UPB1: variants seen among roughly 807,000 people sequenced by gnomAD.
UPB1 encodes beta-ureidopropionase 1.
A neutral mutation model predicts 49.1 loss-of-function variants in UPB1; 40 were observed. The observed-to-expected ratio is 0.81, with a 90% CI of 0.63 to 1.06. The LOEUF (loss-of-function observed/expected upper bound fraction) is 1.06. Among genes scored for constraint, UPB1 ranks in the 50% least tolerant of loss-of-function variants. The probability of loss-of-function intolerance (pLI) is 0.00; values close to 1 mark genes in which losing one functional copy is unlikely to be tolerated. For synonymous variants in UPB1, 207 were observed against 198.2 expected (o/e 1.04, Z -0.38); for missense variants, 499 against 505.9 (o/e 0.99, Z 0.13).
At chr22:24,502,796 A>G (rs963026751) in intron 3 of UPB1, 6 of 453,580 alleles carry the variant, frequency 1.3e-5, no homozygotes, top group African/African-American at 3.9e-5. Flanking sequence ...ACTTCCCCCT[A>G]TGGAAGATGT....
At chr22:24,511,990 C>G (rs2044214651) in intron 4 of UPB1, among the ~76,000 whole-genome samples, 1 of 152,166 alleles carries the variant, frequency 6.6e-6, no homozygotes, top group Non-Finnish European at 1.5e-5. Context: ...ATTTTCACCT[C>G]TAACACAATA....
At position 24,526,079 on chromosome 22, in the gene UPB1, T is replaced by TAA. The variant is rs113492967; in HGVS notation, c.*295_*296dup. The TAA allele has an allele frequency of 5.0e-4, 186 of 374,106 alleles. No homozygotes were observed. The highest frequency in any genetic ancestry group is 1.6e-3 in the South Asian group (65 of 41,444). 23.2% of individuals were successfully genotyped at this position (374,106 alleles called of 1,614,324 possible). ...TTTGTTATGTAAATTTTACCTCAAC[T>TAA]AAAAAAAAAAATGCCCAGGTACTGC... is the stretch of plus-strand genomic sequence containing the variant. On this transcript the variant is annotated 3_prime_UTR_variant, in exon 10 of 10. Transcript: ENST00000326010.
At chr22:24,518,797 C>A (rs1215900905) in intron 6 of UPB1, among the ~76,000 whole-genome samples, 1 of 152,188 alleles carries the variant, frequency 6.6e-6, no homozygotes, top group African/African-American at 2.4e-5. Context: ...CACCTGTGTA[C>A]ATTCATTGGC....
intron 8 of UPB1, among the ~76,000 whole-genome samples, chr22:24,523,042 G>A (rs549807978): frequency 1.3e-5 from 2 of 151,798 alleles, no homozygotes; most frequent in East Asian, 1.9e-4. Context: ...GCCATTTCAG[G>A]TCCCCCGACT....
In UPB1 at chr22:24,501,033, TGTCTG is replaced by T. The variant is rs571565976; in HGVS notation, c.276+758_276+762del. ...CCTTTGCTTTTGTTGGATTCACAGA[TGTCTG>T]GTTCTCAGTTCTCTCACTTTTTGTA... On this transcript the variant is annotated intron_variant, in intron 2 of 9. Transcript: ENST00000326010. Among the ~76,000 whole-genome samples the T allele has an allele frequency of 2.0e-3, 312 of 152,368 alleles. 2 individuals carry two copies. Among genetic ancestry groups the T allele is most frequent in the African/African-American group, 7.0e-3 (290 of 41,588 alleles).
intron 1 of UPB1, among the ~76,000 whole-genome samples, chr22:24,498,309 C>T (rs1419300934): frequency 6.6e-6 from 1 of 152,228 alleles, no homozygotes; most frequent in Non-Finnish European, 1.5e-5. Flanking sequence ...TCCACTGCAT[C>T]TCCTGTACCA....
At chr22:24,523,866 C>T in intron 9 of UPB1, 93 bp downstream of exon 9, 2 of 1,578,318 alleles carry the variant, frequency 1.3e-6, no homozygotes, top group Non-Finnish European at 1.7e-6. Flanking sequence ...CCCATGGCAG[C>T]ATGAGGTACC....
chr22:24,525,420 G>A (rs946124646), intron 9 of UPB1, among the ~76,000 whole-genome samples: 1 of 152,156 alleles, frequency 6.6e-6, no homozygotes, highest in Non-Finnish European at 1.5e-5. Flanking sequence ...GCTCTTCTGG[G>A]GAGCAACAGG....
intron 9 of UPB1, among the ~76,000 whole-genome samples, chr22:24,524,774 G>T (rs2044453801): frequency 6.6e-6 from 1 of 152,174 alleles, no homozygotes; most frequent in East Asian, 1.9e-4. Context: ...ATAGACATAA[G>T]CCACTGTGCC....
chr22:24,504,476 G>A (rs1226171241), intron 3 of UPB1, among the ~76,000 whole-genome samples: 1 of 152,074 alleles, frequency 6.6e-6, no homozygotes, highest in African/African-American at 2.4e-5. Flanking sequence ...GAAGACTGTA[G>A]GAGTTTCTCT....
chr22:24,511,307 A>G (rs560100188), intron 4 of UPB1, among the ~76,000 whole-genome samples: 2 of 152,278 alleles, frequency 1.3e-5, no homozygotes, highest in East Asian at 3.9e-4. Context: ...GTATGATCCC[A>G]TTTATATAAA....
chr22:24,507,406 ACT>A (rs1269879919), intron 3 of UPB1, among the ~76,000 whole-genome samples: 2 of 151,912 alleles, frequency 1.3e-5, no homozygotes, highest in African/African-American at 4.8e-5. Flanking sequence ...TTACTGTGGT[ACT>A]CTCTTAGGAC....
At chr22:24,498,806 A>C (rs1033485501) in intron 1 of UPB1, among the ~76,000 whole-genome samples, 1 of 152,072 alleles carries the variant, frequency 6.6e-6, no homozygotes, top group Non-Finnish European at 1.5e-5. Context: ...TCACCAGGAC[A>C]CTCTGAAAGA....
Position 24,513,436 on chromosome 22 carries a change from T to G in UPB1, c.572T>G (p.Leu191Arg). 1 of 1,614,208 alleles carries G rather than the reference T, an allele frequency of 6.2e-7. No homozygotes were observed. Among genetic ancestry groups the G allele is most frequent in the Non-Finnish European group, 8.5e-7 (1 of 1,180,036 alleles). Residue 191 changes from leucine to arginine, a missense_variant, in exon 5 of 10, where the codon CTG (leucine) becomes CGG (arginine). Leu to Arg is a moderately radical substitution (Grantham distance 102). Coordinates refer to ENST00000326010, the MANE Select transcript of UPB1 (RefSeq NM_016327.3). Reference sequence around the variant, plus strand: ...GTGATCTCCAATTCCGGAGCAGTCCTGGGAAAGACCAGGAAAAACCACATC... The same window carrying G: ...GTGATCTCCAATTCCGGAGCAGTCCGGGGAAAGACCAGGAAAAACCACATC... Reference protein sequence around the residue: ...AVVISNSGAVLGKTRKNHIPR... With the variant: ...AVVISNSGAVRGKTRKNHIPR...
intron 3 of UPB1, among the ~76,000 whole-genome samples, chr22:24,503,991 C>T (rs1212971499): frequency 6.6e-6 from 1 of 152,236 alleles, no homozygotes; most frequent in Non-Finnish European, 1.5e-5. Flanking sequence ...CAGGCAGGGA[C>T]AGGTCAGGCA....
chr22:24,508,604 G>A (rs2147016102), intron 3 of UPB1, among the ~76,000 whole-genome samples: 1 of 151,456 alleles, frequency 6.6e-6, no homozygotes, highest in Middle Eastern at 3.4e-3. Flanking sequence ...TGGGCTGGGT[G>A]TGGTAGCTCA....
At chr22:24,496,254 C>T (rs1030946419) in intron 1 of UPB1, among the ~76,000 whole-genome samples, 1 of 152,030 alleles carries the variant, frequency 6.6e-6, no homozygotes, top group Non-Finnish European at 1.5e-5. Context: ...ATCTGTAGTC[C>T]TAGCTACATG....
intron 3 of UPB1, among the ~76,000 whole-genome samples, chr22:24,505,676 A>G (rs1446220244): frequency 6.6e-6 from 1 of 152,070 alleles, no homozygotes; most frequent in Non-Finnish European, 1.5e-5. Flanking sequence ...TGGTGTGGAG[A>G]AAGGACCTGG....
intron 1 of UPB1, among the ~76,000 whole-genome samples, chr22:24,496,431 T>G (rs1348527666): frequency 6.9e-6 from 1 of 144,812 alleles, no homozygotes; most frequent in Non-Finnish European, 1.5e-5. Context: ...ACACACGTCT[T>G]TGGATTTGGA....
Sources: gnomAD v4.1 joint callset for allele counts (sites outside exome capture counted in the v4.1 genomes callset) on GRCh38, gnomAD v4.1.1 for gene constraint, MANE v1.5 for transcripts, NCBI Gene and HGNC (gene_info 2026-07-23, HGNC 2026-07-21) for gene names.